Variants in ADGRV1 observed in about 807,000 individuals in gnomAD.
ADGRV1 encodes G-protein coupled receptor 98.
A neutral mutation model predicts 596.2 loss-of-function variants in ADGRV1; 359 were observed. That is an observed-to-expected ratio of 0.60 (90% CI 0.55 to 0.66). ADGRV1 has a LOEUF of 0.66. ADGRV1 is among the 30% of genes least tolerant of loss of function. The pLI is 0.00. For missense variants in ADGRV1, 7,274 were observed against 7,575.6 expected (o/e 0.96, Z 1.48); for synonymous variants, 2,681 against 2,679.2 (o/e 1.00, Z -0.02).
chr5:91,017,841 C>G (rs1225959745), intron 85 of ADGRV1, among the ~76,000 whole-genome samples: 1 of 151,770 alleles, frequency 6.6e-6, no homozygotes, highest in Non-Finnish European at 1.5e-5. Context: ...TTGAACAAGT[C>G]CTCAGAGGAT....
At chr5:90,850,871 T>C (rs1443576789) in intron 79 of ADGRV1, 10 of 152,040 alleles carry the variant, frequency 6.6e-5, no homozygotes, top group African/African-American at 2.2e-4. Context: ...CCTAGAACAA[T>C]GTCTGGTATG....
intron 57 of ADGRV1, among the ~76,000 whole-genome samples, chr5:90,758,404 A>C (rs1017873299): frequency 6.6e-6 from 1 of 152,336 alleles, no homozygotes; most frequent in African/African-American, 2.4e-5. Context: ...AAACAAATAC[A>C]TTGATTATTC....
chr5:90,971,306 C>T (rs979787219), intron 84 of ADGRV1, among the ~76,000 whole-genome samples: 3 of 152,198 alleles, frequency 2.0e-5, no homozygotes, highest in Non-Finnish European at 4.4e-5. Context: ...ACTTCCCCAA[C>T]TTAGCAAGGC....
rs1561453136 is a variant in ADGRV1, at chr5:90,647,743, A to G, written c.3268A>G (p.Ile1090Val). 1 of 1,613,100 alleles carries G rather than the reference A, an allele frequency of 6.2e-7. No individual in the cohort carries two copies. The highest frequency in any genetic ancestry group is 8.5e-7 in the Non-Finnish European group (1 of 1,179,340). ...CCCGGAAACAGATGAGCCCTTTTAT[A>G]TAATCCTCTTGAATTCAACAGGTAA... ...GIPETDEPFY[I>V]ILLNSTGDTV... The change falls in exon 17 of 90, where the codon ATA becomes GTA. Residue 1090 changes from isoleucine to valine, a missense_variant. Ile to Val is a conservative substitution (Grantham distance 29). Around this residue, in one of 5 missense-constraint regions of ADGRV1, gnomAD observed 1,715 missense variants for 1,708.8 expected, o/e 1.00. Transcript: ENST00000405460.
chr5:90,703,809 GA>G lies in ADGRV1; in HGVS notation c.8286+18del. On this transcript the variant is annotated intron_variant, in intron 35 of 89. Coordinates refer to ENST00000405460, the MANE Select transcript of ADGRV1 (RefSeq NM_032119.4). ...TTCTTTCCTGAGGTAATACTGCAAA[GA>G]AAAGTCGATCACAAATATCTAGAAA... 6.4e-7 allele frequency: 1 copy of G among 1,563,084 alleles called. No homozygotes were observed. The highest frequency in any genetic ancestry group is 8.7e-7 in the Non-Finnish European group (1 of 1,153,022).
chr5:90,621,947 A>G (rs920873911), intron 4 of ADGRV1, among the ~76,000 whole-genome samples: 2 of 152,126 alleles, frequency 1.3e-5, no homozygotes, highest in African/African-American at 4.8e-5. Flanking sequence ...CAAGACGGAC[A>G]TTGCTAACCC....
chr5:91,046,987 A>G (rs1003285412), intron 85 of ADGRV1, among the ~76,000 whole-genome samples: 1 of 152,200 alleles, frequency 6.6e-6, no homozygotes, highest in African/African-American at 2.4e-5. Flanking sequence ...CTCCTAGAAG[A>G]ATGGCCATGA....
chr5:90,620,578 C>T (rs1763934561), intron 4 of ADGRV1, among the ~76,000 whole-genome samples: 1 of 152,032 alleles, frequency 6.6e-6, no homozygotes, highest in Admixed American at 6.6e-5. Flanking sequence ...GTTTCTTTTG[C>T]TGTGCAGAAG....
intron 83 of ADGRV1, among the ~76,000 whole-genome samples, chr5:90,880,346 C>A (rs1224470212): frequency 6.6e-6 from 1 of 152,046 alleles, no homozygotes; most frequent in Non-Finnish European, 1.5e-5. Flanking sequence ...CTGCTGTTTC[C>A]TTTTCCTGAA....
intron 87 of ADGRV1, among the ~76,000 whole-genome samples, chr5:91,128,730 G>A (rs1793968770): frequency 6.6e-6 from 1 of 152,178 alleles, no homozygotes; most frequent in African/African-American, 2.4e-5. Context: ...CTTGCAGCAA[G>A]CTAATAATGG....
At chr5:90,985,844 A>G (rs745439168) in intron 85 of ADGRV1, among the ~76,000 whole-genome samples, 27 of 152,024 alleles carry the variant, frequency 1.8e-4, no homozygotes, top group Non-Finnish European at 3.7e-4. Context: ...AGAATTTGTG[A>G]AAACAGTTGG....
chr5:91,162,875 C>T lies in ADGRV1; in HGVS notation c.18803-907C>T, dbSNP rs886715911. On this transcript the variant is annotated intron_variant, in intron 89 of 89. Transcript: ENST00000405460. ...GGGAAATCCCAGCTGCCTGAGCAACCGGTTTTTCACTTTCCTCCTTGTTTG... is the reference window on the plus strand; with the variant it reads ...GGGAAATCCCAGCTGCCTGAGCAACTGGTTTTTCACTTTCCTCCTTGTTTG... Among the ~76,000 whole-genome samples the T allele has an allele frequency of 1.1e-4, 16 of 152,112 alleles. 1 individual carries two copies. The highest frequency in any genetic ancestry group is 2.1e-4 in the South Asian group (1 of 4,822).
intron 87 of ADGRV1, among the ~76,000 whole-genome samples, chr5:91,107,288 C>A (rs948014934): frequency 6.6e-6 from 1 of 151,912 alleles, no homozygotes; most frequent in African/African-American, 2.4e-5. Context: ...TTTGTTTTCT[C>A]GTGACAAGAA....
chr5:90,811,346 T>A lies in ADGRV1; in HGVS notation c.16078+8T>A, dbSNP rs1762424861. 1 of 1,565,466 alleles carries A rather than the reference T, an allele frequency of 6.4e-7. No homozygotes were observed. ...CCATGGTTATTATTACAGGTATATCTTTGAAATGATGGAGATAAAAATATA... is the reference window on the plus strand; with the variant it reads ...CCATGGTTATTATTACAGGTATATCATTGAAATGATGGAGATAAAAATATA... On this transcript the variant is annotated splice_region_variant and intron_variant, in intron 74 of 89. Coordinates refer to ENST00000405460, the MANE Select transcript of ADGRV1 (RefSeq NM_032119.4).
At chr5:90,758,065 AGAGTG>A (rs879755165) in intron 57 of ADGRV1, among the ~76,000 whole-genome samples, 2 of 152,158 alleles carry the variant, frequency 1.3e-5, no homozygotes, top group Admixed American at 1.3e-4. Flanking sequence ...CTAAGTAAAA[AGAGTG>A]GAATGCAATC....
At chr5:90,962,753 C>G (rs1778140731) in intron 83 of ADGRV1, among the ~76,000 whole-genome samples, 1 of 152,118 alleles carries the variant, frequency 6.6e-6, no homozygotes, top group South Asian at 2.1e-4. Context: ...AGATAATAAC[C>G]TGGAACAACT....
intron 18 of ADGRV1, among the ~76,000 whole-genome samples, 167 bp downstream of exon 18, chr5:90,651,897 AT>A (rs1768678690): frequency 6.6e-6 from 1 of 152,116 alleles, no homozygotes; most frequent in Admixed American, 6.6e-5. Flanking sequence ...GTTGCCACTT[AT>A]CTTCAAAAAA....
Position 90,629,431 on chromosome 5 carries a change from A to G in ADGRV1, c.1731A>G (p.Ile577Met). 1 of 1,613,758 alleles carries G rather than the reference A, an allele frequency of 6.2e-7. No homozygotes were observed. Among genetic ancestry groups the G allele is most frequent in the Non-Finnish European group, 8.5e-7 (1 of 1,179,814 alleles). The change falls in exon 9 of 90, where the codon ATA becomes ATG. Residue 577 changes from isoleucine to methionine, a missense_variant. Around this residue, in one of 5 missense-constraint regions of ADGRV1, gnomAD observed 1,715 missense variants for 1,708.8 expected, o/e 1.00. Coordinates refer to ENST00000405460, the MANE Select transcript of ADGRV1 (RefSeq NM_032119.4). The stretch of plus-strand genomic sequence containing the variant: ...AAGCAAAAGAAGGCATCTTAAATAT[A>G]TCAAGGAGAAATGACCTCATTTTTC... ...PLQAKEGILN[I>M]SRRNDLIFPE...
intron 33 of ADGRV1, among the ~76,000 whole-genome samples, chr5:90,695,706 T>C (rs1479884056): frequency 6.6e-6 from 1 of 152,082 alleles, no homozygotes; most frequent in Non-Finnish European, 1.5e-5. Context: ...ATCATTATGT[T>C]TTAGAGTAAA....
Sources: gnomAD v4.1 joint callset for allele counts (sites outside exome capture counted in the v4.1 genomes callset) on GRCh38, gnomAD v4.1.1 for gene constraint, gnomAD v4.1.1 regional missense constraint, MANE v1.5 for transcripts, NCBI Gene and HGNC (gene_info 2026-07-23, HGNC 2026-07-21) for gene names.